Variants in DTNB observed in about 807,000 individuals in gnomAD.
DTNB encodes the protein DTN-B.
In DTNB, 63 loss-of-function variants were observed where a neutral mutation model predicts 90.7. That is an observed-to-expected ratio of 0.69 (90% CI 0.57 to 0.86). DTNB has a LOEUF of 0.86. DTNB is among the 40% of genes least tolerant of loss of function. DTNB has a pLI of 0.00. For missense variants in DTNB, 744 were observed against 807.1 expected (o/e 0.92, Z 0.95); for synonymous variants, 277 against 286.7 (o/e 0.97, Z 0.34).
chr2:25,438,341 T>C (rs890297881), intron 12 of DTNB, among the ~76,000 whole-genome samples: 1 of 152,122 alleles, frequency 6.6e-6, no homozygotes, highest in African/African-American at 2.4e-5. Context: ...AATCTCATAA[T>C]GTTTTAAGAA....
intron 8 of DTNB, among the ~76,000 whole-genome samples, chr2:25,562,916 C>T (rs1236949476): frequency 6.6e-6 from 1 of 152,018 alleles, no homozygotes; most frequent in African/African-American, 2.4e-5. Flanking sequence ...ATTACAGGCA[C>T]CCACCACCAC....
At chr2:25,612,000 C>T (rs2068760749) in intron 4 of DTNB, among the ~76,000 whole-genome samples, 1 of 152,114 alleles carries the variant, frequency 6.6e-6, no homozygotes, top group Admixed American at 6.5e-5. Flanking sequence ...TATCTAAACA[C>T]AGAAAAAGGA....
At chr2:25,575,950 A>C (rs540939759) in intron 8 of DTNB, among the ~76,000 whole-genome samples, 2 of 152,350 alleles carry the variant, frequency 1.3e-5, no homozygotes, top group South Asian at 4.1e-4. Flanking sequence ...TATAAGAACC[A>C]CAGAAAAATC....
At chr2:25,582,565 C>T (rs756762366) in intron 6 of DTNB, among the ~76,000 whole-genome samples, 12 of 152,040 alleles carry the variant, frequency 7.9e-5, no homozygotes, top group Admixed American at 5.9e-4. Context: ...GCCTGCAGGC[C>T]GGCAGGAAGT....
At chr2:25,589,908 C>T (rs2063228078) in intron 6 of DTNB, among the ~76,000 whole-genome samples, 2 of 152,188 alleles carry the variant, frequency 1.3e-5, no homozygotes, top group African/African-American at 4.8e-5. Flanking sequence ...CTACCAAGGG[C>T]GAGCCATGTG....
intron 8 of DTNB, among the ~76,000 whole-genome samples, chr2:25,536,211 C>A (rs888574091): frequency 4.6e-5 from 7 of 151,356 alleles, no homozygotes; most frequent in African/African-American, 1.7e-4. Context: ...GCACTCCTCA[C>A]CTCCCAGACG....
intron 8 of DTNB, among the ~76,000 whole-genome samples, chr2:25,532,789 T>C (rs1398943575): frequency 6.6e-6 from 1 of 152,228 alleles, no homozygotes; most frequent in African/African-American, 2.4e-5. Flanking sequence ...TATGTGCCAC[T>C]TTAATTGGAA....
intron 1 of DTNB, among the ~76,000 whole-genome samples, chr2:25,669,048 T>C (rs1451231267): frequency 6.6e-6 from 1 of 152,202 alleles, no homozygotes; most frequent in Non-Finnish European, 1.5e-5. Context: ...AATGATTCCA[T>C]TCATATGAGG....
At chr2:25,568,625 C>T (rs1253160695) in intron 8 of DTNB, among the ~76,000 whole-genome samples, 3 of 152,224 alleles carry the variant, frequency 2.0e-5, no homozygotes, top group African/African-American at 7.2e-5. Flanking sequence ...AGTAGGAAAA[C>T]ATAATAATCA....
Position 25,427,522 on chromosome 2 carries a change from C to T in DTNB, c.1554+13G>A. The T allele has an allele frequency of 1.9e-6, 3 of 1,613,146 alleles. No individual in the cohort carries two copies. The South Asian group carries it at 3.3e-5, about 18-fold the overall frequency. ...AGAATGACAAGAACTGAGCGTGGGCCACGGGCTCTTACCTTCAGCAACTTC... is the reference window on the plus strand; with the variant it reads ...AGAATGACAAGAACTGAGCGTGGGCTACGGGCTCTTACCTTCAGCAACTTC... On this transcript the variant is annotated intron_variant, in intron 15 of 20. Transcript: ENST00000406818.
At chr2:25,509,505 T>C (rs771598041) in intron 9 of DTNB, among the ~76,000 whole-genome samples, 6 of 152,178 alleles carry the variant, frequency 3.9e-5, no homozygotes, top group Non-Finnish European at 8.8e-5. Flanking sequence ...TGTCTTTGCC[T>C]TTCTTGACAG....
In DTNB at chr2:25,409,765, T is replaced by C. The variant is rs200057959; in HGVS notation, c.1575+9750A>G. On this transcript the variant is annotated intron_variant, in intron 16 of 20. Transcript: ENST00000406818. ...CGGTCCTTCTCCTGCCTCCTTTTTC[T>C]TCTTTTTGTCTACTGTGGGTTTTCC... Among the ~76,000 whole-genome samples the C allele has an allele frequency of 3.5e-4, 53 of 152,340 alleles. 1 individual carries two copies. The East Asian group carries it at 9.1e-3, about 26-fold the overall frequency.
chr2:25,654,160 G>A (rs1027765583), intron 1 of DTNB, among the ~76,000 whole-genome samples: 5 of 152,152 alleles, frequency 3.3e-5, no homozygotes, highest in African/African-American at 1.2e-4. Flanking sequence ...TCCAAAGCTC[G>A]TGTTCTTTCC....
intron 19 of DTNB, among the ~76,000 whole-genome samples, chr2:25,383,217 T>C (rs2038404727): frequency 6.7e-6 from 1 of 149,634 alleles, no homozygotes; most frequent in Non-Finnish European, 1.5e-5. Flanking sequence ...TTTGGTCTTT[T>C]TTTTTTTTTT....
At chr2:25,487,678 A>G (rs575243605) in intron 9 of DTNB, among the ~76,000 whole-genome samples, 11 of 152,322 alleles carry the variant, frequency 7.2e-5, no homozygotes, top group Admixed American at 2.0e-4. Context: ...CGTTGAGAAC[A>G]GTTTTCCAGA....
chr2:25,483,641 G>C (rs1017900198), intron 9 of DTNB, among the ~76,000 whole-genome samples: 1 of 152,172 alleles, frequency 6.6e-6, no homozygotes, highest in African/African-American at 2.4e-5. Flanking sequence ...TCTTGTGAAA[G>C]TCCTGAAGGA....
At chr2:25,596,642 A>G (rs2064717096) in intron 5 of DTNB, among the ~76,000 whole-genome samples, 1 of 152,214 alleles carries the variant, frequency 6.6e-6, no homozygotes, top group South Asian at 2.1e-4. Context: ...GAGTATATAA[A>G]TACATTAGCA....
At chr2:25,549,470 G>A (rs1337360757) in intron 8 of DTNB, among the ~76,000 whole-genome samples, 3 of 151,948 alleles carry the variant, frequency 2.0e-5, no homozygotes, top group Non-Finnish European at 4.4e-5. Flanking sequence ...TTACAAGTTG[G>A]AGTTACATTT....
At chr2:25,638,741 C>T (rs1410576689) in intron 3 of DTNB, among the ~76,000 whole-genome samples, 1 of 152,122 alleles carries the variant, frequency 6.6e-6, no homozygotes, top group Admixed American at 6.5e-5. Context: ...AAAGCATTTC[C>T]TTAATAAAAG....
Sources: gnomAD v4.1 joint callset for allele counts (sites outside exome capture counted in the v4.1 genomes callset) on GRCh38, gnomAD v4.1.1 for gene constraint, MANE v1.5 for transcripts, NCBI Gene and HGNC (gene_info 2026-07-23, HGNC 2026-07-21) for gene names.